SS18: variants seen among roughly 807,000 people sequenced by gnomAD.
The protein encoded by SS18 is protein SSXT.
In SS18, 28 loss-of-function variants were observed where a neutral mutation model predicts 72.5. The ratio of observed to expected loss-of-function variants is 0.39; its 90% CI spans 0.29 to 0.53. The LOEUF (loss-of-function observed/expected upper bound fraction) is 0.53. SS18 is among the 20% of genes least tolerant of loss of function. SS18 has a pLI of 0.76. For synonymous variants in SS18, 172 were observed against 164.2 expected (o/e 1.05, Z -0.37); for missense variants, 518 against 535.3 (o/e 0.97, Z 0.32).
intron 4 of SS18, among the ~76,000 whole-genome samples, chr18:26,053,774 G>T (rs182257308): frequency 1.3e-3 from 192 of 152,248 alleles, no homozygotes; most frequent in Non-Finnish European, 2.1e-3. Flanking sequence ...TCACCTCTCA[G>T]ATTCTCAAAA....
rs2053945775 is a variant in SS18 at position 26,052,802 on chromosome 18, G to C, written c.429C>G (p.Leu143=). The change falls in exon 5 of 11, where the codon CTC becomes CTG. Residue 143 remains leucine (L), a synonymous_variant. Transcript: ENST00000415083. ...MPMQGPGPNQ[L]NMTNSSMNMP... ...TATTCATGGAACTGTTTGTCATATT[G>C]AGTTGATTGGGTCCAGGTCCCTGCA... 1 of 1,614,052 alleles carries C rather than the reference G, an allele frequency of 6.2e-7. No homozygotes were observed. Among genetic ancestry groups the C allele is most frequent in the Admixed American group, 1.7e-5 (1 of 60,006 alleles).
At chr18:26,085,075 A>C (rs2054593467) in intron 2 of SS18, among the ~76,000 whole-genome samples, 1 of 152,234 alleles carries the variant, frequency 6.6e-6, no homozygotes, top group Non-Finnish European at 1.5e-5. Context: ...AATGAATAAA[A>C]AACCAAGTGG....
At chr18:26,034,250 C>T (rs1033756934) in intron 9 of SS18, among the ~76,000 whole-genome samples, 12 of 152,080 alleles carry the variant, frequency 7.9e-5, no homozygotes, top group African/African-American at 1.7e-4. Flanking sequence ...ATATTACCGA[C>T]GTGAAAGAGA....
In SS18 at chr18:26,017,530, C is replaced by T. The variant is rs2053269276; in HGVS notation, c.*824G>A. 1 of 199,210 alleles carries T rather than the reference C, an allele frequency of 5.0e-6. No homozygotes were observed. The highest frequency in any genetic ancestry group is 6.0e-5 in the Admixed American group (1 of 16,568). 12.3% of individuals were successfully genotyped at this position (199,210 alleles called of 1,614,324 possible). On this transcript the variant is annotated 3_prime_UTR_variant, in exon 11 of 11. Transcript: ENST00000415083. Reference sequence around the variant, plus strand: ...TATTGCTATTTTAGAAGAGGATTACCACTTTCATTTAGATGAAACTGTTTT... The same window carrying T: ...TATTGCTATTTTAGAAGAGGATTACTACTTTCATTTAGATGAAACTGTTTT...
intron 7 of SS18, among the ~76,000 whole-genome samples, chr18:26,037,298 AG>A (rs1193455652): frequency 5.9e-5 from 9 of 152,122 alleles, no homozygotes; most frequent in African/African-American, 2.2e-4. Context: ...AGAGATACCC[AG>A]GATCAAAACA....
chr18:26,084,948 T>C (rs1221758804), intron 2 of SS18, among the ~76,000 whole-genome samples: 2 of 152,212 alleles, frequency 1.3e-5, no homozygotes, highest in Non-Finnish European at 2.9e-5. Flanking sequence ...AATTATACTC[T>C]GGTAATTTAA....
At chr18:26,061,291 C>T (rs1258930658) in intron 3 of SS18, among the ~76,000 whole-genome samples, 1 of 152,064 alleles carries the variant, frequency 6.6e-6, no homozygotes, top group Non-Finnish European at 1.5e-5. Flanking sequence ...CCAGCCTGGG[C>T]CACAGAGCGA....
rs2053274967 is a variant in SS18, at chr18:26,017,793, C to G, written c.*561G>C. ...ATGGTGTGCTTTGTCTTCCCCTCAC[C>G]TTTATCTTTATAGCACACCATTTTG... On this transcript the variant is annotated 3_prime_UTR_variant, in exon 11 of 11. Transcript: ENST00000415083. 2 of 224,872 alleles carry G rather than the reference C, an allele frequency of 8.9e-6. No homozygotes were observed. The allele number at this position is 224,872 out of a possible 1,614,324, so 13.9% of individuals were successfully genotyped here.
At chr18:26,060,502 A>C (rs2054099588) in intron 3 of SS18, among the ~76,000 whole-genome samples, 1 of 152,078 alleles carries the variant, frequency 6.6e-6, no homozygotes, top group Non-Finnish European at 1.5e-5. Flanking sequence ...TATACTAAAA[A>C]CCACTGAATT....
At chr18:26,029,615 G>C (rs1291836620) in intron 10 of SS18, among the ~76,000 whole-genome samples, 1 of 152,134 alleles carries the variant, frequency 6.6e-6, no homozygotes, top group African/African-American at 2.4e-5. Flanking sequence ...AGGAAGAATG[G>C]AACCACTGTT....
At chr18:26,062,379 T>C (rs1166565128) in intron 3 of SS18, among the ~76,000 whole-genome samples, 1 of 152,174 alleles carries the variant, frequency 6.6e-6, no homozygotes, top group African/African-American at 2.4e-5. Context: ...AATATTTTAA[T>C]GAAGAATATT....
At chr18:26,062,096 A>G (rs1163190396) in intron 3 of SS18, among the ~76,000 whole-genome samples, 1 of 152,118 alleles carries the variant, frequency 6.6e-6, no homozygotes, top group Non-Finnish European at 1.5e-5. Flanking sequence ...CCCAATCTGT[A>G]CTAAAAATAC....
chr18:26,069,023 C>T (rs1210407367), intron 3 of SS18, among the ~76,000 whole-genome samples: 3 of 152,156 alleles, frequency 2.0e-5, no homozygotes, highest in Non-Finnish European at 4.4e-5. Flanking sequence ...CTTTTATGTA[C>T]TCAACTTAGT....
chr18:26,059,395 A>C (rs1477848908), intron 3 of SS18, among the ~76,000 whole-genome samples: 1 of 152,214 alleles, frequency 6.6e-6, no homozygotes, highest in African/African-American at 2.4e-5. Context: ...ATTTTTGACT[A>C]TCAAAGAGCT....
At chr18:26,042,706 T>C (rs1254360443) in intron 5 of SS18, among the ~76,000 whole-genome samples, 1 of 151,740 alleles carries the variant, frequency 6.6e-6, no homozygotes, top group Non-Finnish European at 1.5e-5. Context: ...ACTTATTAGG[T>C]ACAACACCCC....
chr18:26,048,025 A>T (rs1292439709), intron 5 of SS18, among the ~76,000 whole-genome samples: 1 of 152,240 alleles, frequency 6.6e-6, no homozygotes, highest in Non-Finnish European at 1.5e-5. Flanking sequence ...TGCAAACAGC[A>T]AATAAACATA....
chr18:26,050,236 CAAA>C (rs34438763), intron 5 of SS18, among the ~76,000 whole-genome samples: 1 of 117,316 alleles, frequency 8.5e-6, no homozygotes. Context: ...GACTCCACCT[CAAA>C]AAAAAAAAAA....
intron 7 of SS18, 113 bp downstream of exon 7, chr18:26,038,442 T>C: frequency 1.1e-6 from 1 of 947,152 alleles, no homozygotes; most frequent in Non-Finnish European, 1.7e-6. Context: ...TTTCAAAATT[T>C]AGAGGAAACA....
chr18:26,038,434 T>A (rs2053662660), intron 7 of SS18, 121 bp downstream of exon 7: 1 of 881,938 alleles, frequency 1.1e-6, no homozygotes, highest in Non-Finnish European at 1.8e-6. Flanking sequence ...CTGAAGTGTT[T>A]CAAAATTTAG....
Sources: gnomAD v4.1 joint callset for allele counts (sites outside exome capture counted in the v4.1 genomes callset) on GRCh38, gnomAD v4.1.1 for gene constraint, MANE v1.5 for transcripts, NCBI Gene and HGNC (gene_info 2026-07-23, HGNC 2026-07-21) for gene names.